APBB2: variants seen among roughly 807,000 people sequenced by gnomAD.
APBB2 encodes the protein amyloid beta precursor protein binding family B member 2, also known as Fe65-like 1.
In APBB2, 38 loss-of-function variants were observed where a neutral mutation model predicts 82.5. The ratio of observed to expected loss-of-function variants is 0.46; its 90% CI spans 0.36 to 0.60. The LOEUF is 0.60. APBB2 is among the 20% of genes least tolerant of loss of function. The pLI, the probability that APBB2 is intolerant of heterozygous loss-of-function variation, is 0.00. For synonymous variants in APBB2, 341 were observed against 368.2 expected (o/e 0.93, Z 0.85); for missense variants, 772 against 972.3 (o/e 0.79, Z 2.74).
At chr4:41,163,936 C>T (rs1043459559) in intron 1 of APBB2, among the ~76,000 whole-genome samples, 17 of 152,034 alleles carry the variant, frequency 1.1e-4, no homozygotes, top group African/African-American at 3.6e-4. Flanking sequence ...TGTTCTCTAA[C>T]GTTTCAAAAA....
intron 1 of APBB2, among the ~76,000 whole-genome samples, chr4:41,145,000 G>A (rs1328929166): frequency 1.3e-5 from 2 of 152,154 alleles, no homozygotes; most frequent in East Asian, 1.9e-4. Context: ...CATGCCTGTG[G>A]GCCCAGCTAT....
chr4:40,912,508 CA>C (rs1187536571), intron 10 of APBB2, among the ~76,000 whole-genome samples: 1 of 151,164 alleles, frequency 6.6e-6, no homozygotes, highest in African/African-American at 2.4e-5. Flanking sequence ...ACCTGGGAGG[CA>C]CAGGTTGCAG....
chr4:41,013,670 T>G lies in APBB2; in HGVS notation c.748A>C (p.Ile250Leu). ...TCATCGCTCGGTGCCAGGTTCTGGATCCGGTGCAGTGCACAGTCGGTTTTG... is the reference window on the plus strand; with the variant it reads ...TCATCGCTCGGTGCCAGGTTCTGGAGCCGGTGCAGTGCACAGTCGGTTTTG... ...GAKTDCALHR[I>L]QNLAPSDEES... Residue 250 changes from isoleucine (I) to leucine (L), a missense_variant, in exon 6 of 18, where the codon ATC (isoleucine) becomes CTC (leucine). Transcript: ENST00000508593. 1 of 1,614,212 alleles carries G rather than the reference T, an allele frequency of 6.2e-7. No individual in the cohort carries two copies. Among genetic ancestry groups the G allele is most frequent in the Middle Eastern group, 1.6e-4 (1 of 6,062 alleles).
At chr4:40,848,310 T>C (rs1018839625) in intron 12 of APBB2, among the ~76,000 whole-genome samples, 1 of 152,230 alleles carries the variant, frequency 6.6e-6, no homozygotes, top group Admixed American at 6.5e-5. Flanking sequence ...ACAATAACCT[T>C]GCAGGGGGAA....
intron 6 of APBB2, among the ~76,000 whole-genome samples, chr4:40,962,401 T>A (rs147228394): frequency 4.8e-4 from 73 of 152,312 alleles, no homozygotes; most frequent in African/African-American, 1.6e-3. Flanking sequence ...TCTGTAAAGA[T>A]GAGAACACAG....
chr4:41,204,373 A>G (rs1160841895), intron 1 of APBB2, among the ~76,000 whole-genome samples: 1 of 152,208 alleles, frequency 6.6e-6, no homozygotes, highest in Non-Finnish European at 1.5e-5. Flanking sequence ...GCAGCCTCCA[A>G]GGTGAGAAGC....
intron 5 of APBB2, among the ~76,000 whole-genome samples, chr4:41,024,769 A>T (rs1472466271): frequency 6.6e-6 from 1 of 152,216 alleles, no homozygotes; most frequent in Admixed American, 6.5e-5. Context: ...AGATTATAAG[A>T]CATGCCTGAG....
chr4:41,131,482 T>C (rs1011191351), intron 2 of APBB2, among the ~76,000 whole-genome samples: 16 of 152,176 alleles, frequency 1.1e-4, no homozygotes, highest in African/African-American at 3.1e-4. Context: ...TACATAGATA[T>C]GTATTTTAGA....
chr4:41,182,092 CAT>C (rs1771569329), intron 1 of APBB2, among the ~76,000 whole-genome samples: 1 of 152,132 alleles, frequency 6.6e-6, no homozygotes, highest in Non-Finnish European at 1.5e-5. Context: ...AAGAAGGTCA[CAT>C]AAAGATCTTT....
At chr4:40,967,131 C>A (rs1159343934) in intron 6 of APBB2, among the ~76,000 whole-genome samples, 1 of 152,140 alleles carries the variant, frequency 6.6e-6, no homozygotes, top group Non-Finnish European at 1.5e-5. Flanking sequence ...TTCCTCTCTG[C>A]TGAGAGCTGG....
intron 2 of APBB2, among the ~76,000 whole-genome samples, chr4:41,121,268 C>A (rs530854023): frequency 2.6e-5 from 4 of 152,204 alleles, no homozygotes; most frequent in Non-Finnish European, 5.9e-5. Context: ...CAGTAACATA[C>A]GTGCTTTGAA....
At chr4:40,880,495 A>G (rs1578162550) in intron 12 of APBB2, 55 of 985,338 alleles carry the variant, frequency 5.6e-5, no homozygotes, top group Middle Eastern at 5.2e-4. Context: ...GAACATCTGC[A>G]TAAGTTCTGG....
At chr4:41,030,134 C>A (rs569065883) in intron 5 of APBB2, among the ~76,000 whole-genome samples, 1 of 151,980 alleles carries the variant, frequency 6.6e-6, no homozygotes, top group African/African-American at 2.4e-5. Context: ...CCAGCCTGGG[C>A]GACAGAGCTA....
intron 2 of APBB2, among the ~76,000 whole-genome samples, chr4:41,106,758 G>A (rs13136340): frequency 0.16 from 24,910 of 152,060 alleles, 2,574 homozygotes; most frequent in Middle Eastern, 0.24. Context: ...TTACAGGAGT[G>A]AGCCACCGTG....
intron 6 of APBB2, among the ~76,000 whole-genome samples, chr4:40,974,521 A>G (rs1054413764): frequency 3.4e-4 from 52 of 152,198 alleles, no homozygotes; most frequent in African/African-American, 1.1e-3. Flanking sequence ...AAAGATTTAT[A>G]GTTTTATTAT....
chr4:41,067,047 G>T (rs1267632723), intron 3 of APBB2, among the ~76,000 whole-genome samples: 1 of 152,200 alleles, frequency 6.6e-6, no homozygotes, highest in Non-Finnish European at 1.5e-5. Flanking sequence ...TTACACATGG[G>T]TGGATGGTAG....
intron 6 of APBB2, among the ~76,000 whole-genome samples, chr4:40,978,828 A>G (rs1797805668): frequency 6.6e-6 from 1 of 152,222 alleles, no homozygotes; most frequent in Non-Finnish European, 1.5e-5. Flanking sequence ...TACACATTAG[A>G]TGAAAAATGT....
chr4:41,055,930 C>G (rs1032852434), intron 4 of APBB2, among the ~76,000 whole-genome samples: 6 of 152,226 alleles, frequency 3.9e-5, no homozygotes, highest in Non-Finnish European at 7.3e-5. Context: ...CAGTGGCTCA[C>G]CCCTGCAATC....
At chr4:40,913,138 G>C (rs1271889356) in intron 10 of APBB2, among the ~76,000 whole-genome samples, 1 of 152,160 alleles carries the variant, frequency 6.6e-6, no homozygotes, top group Non-Finnish European at 1.5e-5. Flanking sequence ...TGAGCTCTAG[G>C]GGAAACGCTG....
Sources: gnomAD v4.1 joint callset for allele counts (sites outside exome capture counted in the v4.1 genomes callset) on GRCh38, gnomAD v4.1.1 for gene constraint, MANE v1.5 for transcripts, NCBI Gene and HGNC (gene_info 2026-07-23, HGNC 2026-07-21) for gene names.